The following KIAA1328 variants were observed in gnomAD, a reference collection of about 807,000 sequenced individuals.
KIAA1328 encodes the protein protein hinderin.
A neutral mutation model predicts 68.1 loss-of-function variants in KIAA1328; 52 were observed. The ratio of observed to expected loss-of-function variants is 0.76; its 90% CI spans 0.61 to 0.96. KIAA1328 has a LOEUF of 0.96. KIAA1328 is among the 40% of genes least tolerant of loss of function. The pLI, the probability that KIAA1328 is intolerant of heterozygous loss-of-function variation, is 0.00. For missense variants in KIAA1328, 641 were observed against 677.6 expected (o/e 0.95, Z 0.60); for synonymous variants, 232 against 239.4 (o/e 0.97, Z 0.28).
At chr18:37,076,531 T>C (rs1185509114) in intron 7 of KIAA1328, among the ~76,000 whole-genome samples, 3 of 151,698 alleles carry the variant, frequency 2.0e-5, no homozygotes, top group South Asian at 2.1e-4. Context: ...TTCAAAAAAT[T>C]AATGAATCCA....
intron 6 of KIAA1328, among the ~76,000 whole-genome samples, chr18:37,030,839 C>T (rs1217079280): frequency 6.6e-6 from 1 of 152,096 alleles, no homozygotes; most frequent in African/African-American, 2.4e-5. Flanking sequence ...CCTATGCCCC[C>T]ACCCCCCGAC....
intron 5 of KIAA1328, among the ~76,000 whole-genome samples, chr18:36,908,578 G>A (rs1020962815): frequency 1.3e-5 from 2 of 152,132 alleles, no homozygotes; most frequent in Non-Finnish European, 1.5e-5. Context: ...TTGAGCTCAA[G>A]CAGTATCCCC....
chr18:36,836,432 A>G (rs942211776), intron 3 of KIAA1328, among the ~76,000 whole-genome samples: 4 of 152,150 alleles, frequency 2.6e-5, no homozygotes, highest in African/African-American at 9.7e-5. Context: ...TATAGTATAC[A>G]TCTTTCATTT....
At chr18:36,897,565 A>G (rs923120364) in intron 5 of KIAA1328, among the ~76,000 whole-genome samples, 3 of 152,092 alleles carry the variant, frequency 2.0e-5, no homozygotes, top group South Asian at 2.1e-4. Context: ...AGAAATTTGC[A>G]TGGGAGAAAA....
rs547461716 is a variant in KIAA1328 at position 37,114,232 on chromosome 18, A to T, written c.1233-45968A>T. ...TTCTTCTCAGCACCACGTCGCACTT[A>T]TTCCAAAATTGACCACATAGTTGGA... On this transcript the variant is annotated intron_variant, in intron 7 of 9. Transcript: ENST00000280020. Among the ~76,000 whole-genome samples the T allele has an allele frequency of 1.4e-4, 22 of 152,362 alleles. No homozygotes were observed. The South Asian group carries it at 3.5e-3, about 24-fold the overall frequency.
chr18:37,032,820 T>TA (rs2054884932), intron 6 of KIAA1328, among the ~76,000 whole-genome samples: 1 of 152,122 alleles, frequency 6.6e-6, no homozygotes. Flanking sequence ...TTTGTGTTTT[T>TA]ATTAGAGACA....
At chr18:37,107,739 C>T (rs572334746) in intron 7 of KIAA1328, among the ~76,000 whole-genome samples, 40 of 152,210 alleles carry the variant, frequency 2.6e-4, no homozygotes, top group African/African-American at 9.1e-4. Flanking sequence ...TAAAGCTGCT[C>T]ATCAATTCTA....
intron 6 of KIAA1328, among the ~76,000 whole-genome samples, chr18:36,974,419 T>C (rs1232089248): frequency 6.6e-6 from 1 of 152,222 alleles, no homozygotes; most frequent in Non-Finnish European, 1.5e-5. Context: ...AGTTTCTGAG[T>C]TGTTTCACTG....
At chr18:37,097,647 C>G (rs1273492509) in intron 7 of KIAA1328, among the ~76,000 whole-genome samples, 1 of 152,192 alleles carries the variant, frequency 6.6e-6, no homozygotes, top group Non-Finnish European at 1.5e-5. Context: ...GGCATTGAAT[C>G]TATAAATTAC....
At chr18:37,134,904 C>T (rs1471022798) in intron 7 of KIAA1328, among the ~76,000 whole-genome samples, 1 of 152,082 alleles carries the variant, frequency 6.6e-6, no homozygotes, top group East Asian at 1.9e-4. Context: ...TCTTTATGTA[C>T]AGACTACCCA....
At chr18:36,856,949 G>T (rs916812376) in intron 4 of KIAA1328, among the ~76,000 whole-genome samples, 1 of 152,164 alleles carries the variant, frequency 6.6e-6, no homozygotes, top group Middle Eastern at 3.4e-3. Context: ...TTCAATGTCA[G>T]CCAGTGACTT....
chr18:37,144,703 A>AT (rs1286933197), intron 7 of KIAA1328, among the ~76,000 whole-genome samples: 1 of 151,414 alleles, frequency 6.6e-6, no homozygotes, highest in African/African-American at 2.4e-5. Flanking sequence ...TAATTTTTGT[A>AT]TTTTTTTGTA....
intron 7 of KIAA1328, among the ~76,000 whole-genome samples, chr18:37,114,502 T>G (rs560295722): frequency 3.0e-3 from 460 of 152,270 alleles, no homozygotes; most frequent in South Asian, 6.8e-3. Context: ...TGGGACACAT[T>G]TAAAGCAGTG....
intron 6 of KIAA1328, among the ~76,000 whole-genome samples, chr18:37,056,839 C>T (rs1167058148): frequency 1.3e-5 from 2 of 152,048 alleles, no homozygotes; most frequent in Non-Finnish European, 2.9e-5. Flanking sequence ...GATGGGGTTT[C>T]ACTATGTTGG....
chr18:36,907,387 T>G (rs1207548807), intron 5 of KIAA1328, among the ~76,000 whole-genome samples: 3 of 152,090 alleles, frequency 2.0e-5, no homozygotes, highest in Admixed American at 1.3e-4. Flanking sequence ...GAAAAGCAAA[T>G]TACTCTCTTA....
intron 9 of KIAA1328, among the ~76,000 whole-genome samples, chr18:37,194,990 G>A (rs1403853784): frequency 6.6e-6 from 1 of 152,078 alleles, no homozygotes; most frequent in Non-Finnish European, 1.5e-5. Context: ...TATCATAGTT[G>A]TACATATTTG....
At chr18:36,949,009 A>G (rs2051030901) in intron 5 of KIAA1328, among the ~76,000 whole-genome samples, 1 of 152,062 alleles carries the variant, frequency 6.6e-6, no homozygotes. Flanking sequence ...CATAGTCTAT[A>G]TTGTCAGGAA....
chr18:36,958,998 T>C (rs913858660), intron 5 of KIAA1328, among the ~76,000 whole-genome samples: 1 of 152,190 alleles, frequency 6.6e-6, no homozygotes, highest in African/African-American at 2.4e-5. Flanking sequence ...CTTGTTTTGT[T>C]TTTTTAATAT....
intron 5 of KIAA1328, among the ~76,000 whole-genome samples, chr18:36,956,212 A>G (rs968524389): frequency 3.3e-5 from 5 of 152,138 alleles, no homozygotes; most frequent in African/African-American, 1.2e-4. Flanking sequence ...CTTAATACTA[A>G]TTTATATTTA....
Sources: gnomAD v4.1 joint callset for allele counts (sites outside exome capture counted in the v4.1 genomes callset) on GRCh38, gnomAD v4.1.1 for gene constraint, MANE v1.5 for transcripts, NCBI Gene and HGNC (gene_info 2026-07-23, HGNC 2026-07-21) for gene names.